The following NELL1 variants were observed in gnomAD, a reference collection of about 807,000 sequenced individuals.
The protein encoded by NELL1 is protein kinase C-binding protein NELL1.
Under a neutral mutation model 107.4 loss-of-function variants are expected in NELL1, and 76 were observed. That is an observed-to-expected ratio of 0.71 (90% confidence interval 0.59 to 0.86). The LOEUF is 0.86. NELL1 is among the 40% of genes least tolerant of loss of function. The pLI, the probability that NELL1 is intolerant of heterozygous loss-of-function variation, is 0.00. For missense variants in NELL1, 1,024 were observed against 1,005.5 expected (o/e 1.02, Z -0.25); for synonymous variants, 353 against 341.2 (o/e 1.03, Z -0.38).
At chr11:21,466,581 A>T (rs987507953) in intron 15 of NELL1, among the ~76,000 whole-genome samples, 2 of 152,104 alleles carry the variant, frequency 1.3e-5, no homozygotes, top group African/African-American at 2.4e-5. Flanking sequence ...AACTTTTTTT[A>T]AAAAATAGCA....
intron 14 of NELL1, among the ~76,000 whole-genome samples, chr11:21,308,488 G>T (rs1263962835): frequency 6.6e-6 from 1 of 152,012 alleles, no homozygotes; most frequent in East Asian, 1.9e-4. Flanking sequence ...ATGAAAATGT[G>T]ATGAAAGCAG....
intron 4 of NELL1, among the ~76,000 whole-genome samples, chr11:20,849,391 T>C (rs1354480129): frequency 1.3e-5 from 2 of 152,198 alleles, no homozygotes; most frequent in Non-Finnish European, 2.9e-5. Context: ...TCTACATTTG[T>C]GGTGGTTGTT....
intron 12 of NELL1, among the ~76,000 whole-genome samples, chr11:20,967,857 G>A (rs1036494554): frequency 2.6e-5 from 4 of 152,132 alleles, no homozygotes; most frequent in African/African-American, 9.7e-5. Flanking sequence ...ATTTGGTCCT[G>A]TGTCAGGCCC....
intron 14 of NELL1, among the ~76,000 whole-genome samples, chr11:21,243,954 G>T (rs2133901608): frequency 6.6e-6 from 1 of 152,030 alleles, no homozygotes; most frequent in Non-Finnish European, 1.5e-5. Flanking sequence ...TATTTTTTTT[G>T]TTATGTTGAG....
intron 2 of NELL1, among the ~76,000 whole-genome samples, chr11:20,757,865 C>T (rs899014795): frequency 5.3e-5 from 8 of 152,152 alleles, no homozygotes; most frequent in Non-Finnish European, 1.2e-4. Flanking sequence ...CTTAGGCTGC[C>T]ATAACAAATC....
rs563905864 is a variant in NELL1, at chr11:20,760,394, C to A, written c.185-23286C>A. Among the ~76,000 whole-genome samples the A allele has an allele frequency of 4.6e-5, 7 of 152,286 alleles. No individual in the cohort carries two copies. In the East Asian group the frequency reaches 1.4e-3, roughly 29 times the overall value. ...CTGTGTCCAGGATGCCACTGATCAGCCAGCTTTAGAGTTGTGAAAGGAGAG... is the reference window on the plus strand; with the variant it reads ...CTGTGTCCAGGATGCCACTGATCAGACAGCTTTAGAGTTGTGAAAGGAGAG... On this transcript the variant is annotated intron_variant, in intron 2 of 19. Transcript: ENST00000357134.
intron 17 of NELL1, among the ~76,000 whole-genome samples, chr11:21,565,202 T>C (rs78218729): frequency 0.011 from 1,676 of 152,064 alleles, 29 homozygotes; most frequent in African/African-American, 0.039. Flanking sequence ...AGCTGTAAGA[T>C]TGTGTTTCTT....
At chr11:20,814,970 C>G (rs1004573644) in intron 3 of NELL1, among the ~76,000 whole-genome samples, 5 of 152,132 alleles carry the variant, frequency 3.3e-5, no homozygotes, top group Non-Finnish European at 7.3e-5. Context: ...TTGCCAGCAT[C>G]TATTATTTTT....
chr11:21,266,535 C>G (rs1411811588), intron 14 of NELL1, among the ~76,000 whole-genome samples: 1 of 152,116 alleles, frequency 6.6e-6, no homozygotes, highest in Non-Finnish European at 1.5e-5. Context: ...AGGATTTTGA[C>G]ACGTTGACCC....
At chr11:21,313,052 C>CAAAAT (rs10616259) in intron 14 of NELL1, among the ~76,000 whole-genome samples, 34,632 of 147,054 alleles carry the variant, frequency 0.24, 4,964 homozygotes, top group Middle Eastern at 0.39. Flanking sequence ...CTCCCCGTCT[C>CAAAAT]AAAATAAAAT....
rs1856493924 is a variant in NELL1, at chr11:20,764,706, A to T, written c.185-18974A>T. ...TTCTGATGCACAGTGAGTGCTGAGA[A>T]CTGCTCAGCTGGAGGGAGTTGGGAG... On this transcript the variant is annotated intron_variant, in intron 2 of 19. Coordinates refer to ENST00000357134, the MANE Select transcript of NELL1 (RefSeq NM_006157.5). Among the ~76,000 whole-genome samples, 3 of 151,826 alleles carry T rather than the reference A, an allele frequency of 2.0e-5. No homozygotes were observed. In the South Asian group the frequency reaches 6.2e-4, roughly 32 times the overall value.
intron 15 of NELL1, among the ~76,000 whole-genome samples, chr11:21,526,210 A>G (rs910620708): frequency 6.6e-6 from 1 of 152,216 alleles, no homozygotes; most frequent in Non-Finnish European, 1.5e-5. Flanking sequence ...CTGAAATCCA[A>G]TGAGGCAGTA....
chr11:20,952,786 C>T (rs1207545354), intron 11 of NELL1, among the ~76,000 whole-genome samples: 3 of 152,162 alleles, frequency 2.0e-5, no homozygotes, highest in Non-Finnish European at 1.5e-5. Context: ...AAAGGAGGCA[C>T]ATTTTCCCAG....
At chr11:21,379,264 T>C (rs560569271) in intron 15 of NELL1, among the ~76,000 whole-genome samples, 22 of 152,150 alleles carry the variant, frequency 1.4e-4, no homozygotes, top group African/African-American at 5.1e-4. Flanking sequence ...CTACCCAAGT[T>C]GTAGGCTAGA....
intron 2 of NELL1, among the ~76,000 whole-genome samples, chr11:20,713,112 TG>T (rs1855153594): frequency 6.6e-6 from 1 of 152,042 alleles, no homozygotes; most frequent in African/African-American, 2.4e-5. Flanking sequence ...AGCCAGGAGG[TG>T]GCGCTTTCAA....
chr11:21,476,790 T>C (rs536373657), intron 15 of NELL1, among the ~76,000 whole-genome samples: 4 of 152,172 alleles, frequency 2.6e-5, no homozygotes, highest in Non-Finnish European at 5.9e-5. Context: ...TGAATGTACT[T>C]AGGGAAGGGA....
At position 21,073,169 on chromosome 11, in the gene NELL1, G is replaced by A. The variant is rs145769746; in HGVS notation, c.1301-40420G>A. On this transcript the variant is annotated intron_variant, in intron 12 of 19. Transcript: ENST00000357134. ...GTCTGTTTGATCTGATTACCTTGGA[G>A]GCAGATGACAAACTTTCATCAGCTC... Among the ~76,000 whole-genome samples, 216 of 152,174 alleles carry A rather than the reference G, an allele frequency of 1.4e-3. 1 individual carries two copies. The East Asian group carries it at 0.015, about 10-fold the overall frequency.
intron 2 of NELL1, among the ~76,000 whole-genome samples, chr11:20,722,751 C>T (rs1018337): frequency 0.71 from 107,756 of 152,012 alleles, 41,314 homozygotes; most frequent in East Asian, 0.95. Flanking sequence ...CAAGAGAGTT[C>T]ATTACCAAGC....
chr11:21,280,595 AAACTG>A (rs1848970276), intron 14 of NELL1, among the ~76,000 whole-genome samples: 2 of 152,094 alleles, frequency 1.3e-5, no homozygotes, highest in Admixed American at 1.3e-4. Context: ...GCAGAAGACA[AAACTG>A]GGCTGAACTT....
Sources: gnomAD v4.1 joint callset for allele counts (sites outside exome capture counted in the v4.1 genomes callset) on GRCh38, gnomAD v4.1.1 for gene constraint, MANE v1.5 for transcripts, NCBI Gene and HGNC (gene_info 2026-07-23, HGNC 2026-07-21) for gene names.